Variants in KRABD3 observed in about 807,000 individuals in gnomAD.
KRABD3 encodes KRAB domain containing 3, also known as KRAB domain-containing protein 3.
chr7:149,733,849 G>A, the KRABD3 span: 2 of 1,600,500 alleles, frequency 1.2e-6, no homozygotes, highest in Non-Finnish European at 1.7e-6. Flanking sequence ...CCCCTTTAGT[G>A]CCTGCTGCCT....
chr7:149,719,528 C>A, the KRABD3 span: 1 of 1,550,950 alleles, frequency 6.4e-7, no homozygotes, highest in South Asian at 1.2e-5. The surrounding 1 kb of genome is among the most constrained non-coding windows in gnomAD (Gnocchi z 5.6). Flanking sequence ...CCAACCCCCC[C>A]GGAGACTGTG....
chr7:149,723,018 C>T, the KRABD3 span: 4 of 1,313,916 alleles, frequency 3.0e-6, no homozygotes, highest in South Asian at 4.5e-5. Context: ...ACAGCGATTC[C>T]TCCTGCTCCA....
chr7:149,725,959 C>A, the KRABD3 span: 1 of 1,603,356 alleles, frequency 6.2e-7, no homozygotes, highest in Admixed American at 1.7e-5. Flanking sequence ...AGGCCCCTGG[C>A]CCCCCGAGGA....
At chr7:149,731,647 C>A in the KRABD3 span, 1 of 1,572,188 alleles carries the variant, frequency 6.4e-7, no homozygotes, top group Non-Finnish European at 8.7e-7. Flanking sequence ...CTCCCTGCCC[C>A]AAGGTCTCTG....
chr7:149,730,074 G>A, the KRABD3 span: 7 of 1,428,854 alleles, frequency 4.9e-6, no homozygotes, highest in Non-Finnish European at 6.4e-6. Context: ...CCGGTTCTGT[G>A]TGCCCAGACA....
chr7:149,725,710 G>A, the KRABD3 span, among the ~76,000 whole-genome samples: 3 of 152,162 alleles, frequency 2.0e-5, no homozygotes, highest in African/African-American at 7.2e-5. Flanking sequence ...CTCCAGTCAC[G>A]AGACTCACTG....
chr7:149,716,018 A>G, the KRABD3 span, among the ~76,000 whole-genome samples: 9 of 152,178 alleles, frequency 5.9e-5, no homozygotes, highest in African/African-American at 1.2e-4. Flanking sequence ...ACGTAGCTTC[A>G]TGGAGAAGGT....
the KRABD3 span, chr7:149,730,174 A>T: frequency 6.4e-7 from 1 of 1,564,508 alleles, no homozygotes; most frequent in Non-Finnish European, 8.7e-7. Context: ...TCCCCGCTGC[A>T]CTGCCTGGAG....
At chr7:149,724,292 A>C in the KRABD3 span, among the ~76,000 whole-genome samples, 1 of 152,172 alleles carries the variant, frequency 6.6e-6, no homozygotes, top group Non-Finnish European at 1.5e-5. Flanking sequence ...CCCAGCCCAC[A>C]CAGGGGTTCG....
the KRABD3 span, chr7:149,719,734 G>C: frequency 6.5e-7 from 1 of 1,549,112 alleles, no homozygotes; most frequent in South Asian, 1.2e-5. This position sits in a 1 kb window ranked among gnomAD's most constrained non-coding sequence, Gnocchi z 5.6. Context: ...AGGGAGGCCG[G>C]AGTCCCTGGA....
chr7:149,727,681 G>A, the KRABD3 span, among the ~76,000 whole-genome samples: 3 of 152,228 alleles, frequency 2.0e-5, no homozygotes, highest in African/African-American at 7.2e-5. Context: ...CATGTGTTCT[G>A]CCTGGGCAGA....
the KRABD3 span, chr7:149,730,507 CG>C: frequency 6.2e-7 from 1 of 1,611,034 alleles, no homozygotes; most frequent in African/African-American, 1.3e-5. Context: ...GCAGCAGTGG[CG>C]GCAGCCCTGG....
At chr7:149,725,814 C>G in the KRABD3 span, 2 of 1,370,540 alleles carry the variant, frequency 1.5e-6, no homozygotes, top group Non-Finnish European at 1.9e-6. Flanking sequence ...TTCTGGTGCC[C>G]GTGCACCCCA....
chr7:149,718,611 C>T, the KRABD3 span, among the ~76,000 whole-genome samples: 2 of 147,670 alleles, frequency 1.4e-5, no homozygotes, highest in Admixed American at 7.0e-5. Flanking sequence ...CTCTGCCTTC[C>T]GAGGTCAAGC....
the KRABD3 span, chr7:149,733,691 C>G: frequency 6.3e-7 from 1 of 1,583,304 alleles, no homozygotes; most frequent in Non-Finnish European, 8.6e-7. Flanking sequence ...CCGGGCACGT[C>G]CGCTGCCTCC....
the KRABD3 span, chr7:149,725,511 G>T: frequency 6.3e-7 from 1 of 1,584,108 alleles, no homozygotes. Flanking sequence ...CATGGGCGCG[G>T]GGTGGCATGT....
the KRABD3 span, chr7:149,720,214 A>C: frequency 1.4e-6 from 2 of 1,436,784 alleles, no homozygotes; most frequent in East Asian, 5.1e-5. Context: ...TACTCAGTCC[A>C]GCCTCTCACC....
chr7:149,725,236 G>A, the KRABD3 span: 13 of 1,401,246 alleles, frequency 9.3e-6, no homozygotes, highest in South Asian at 8.5e-5. Flanking sequence ...AAAGCACGTC[G>A]GGTAGAGCCA....
chr7:149,724,823 A>G, the KRABD3 span: 7 of 1,592,818 alleles, frequency 4.4e-6, no homozygotes, highest in Non-Finnish European at 6.0e-6. Flanking sequence ...GGGGTCCCCC[A>G]ACCCAGCTGG....
Sources: gnomAD v4.1 joint callset for allele counts (sites outside exome capture counted in the v4.1 genomes callset) on GRCh38, gnomAD v4.1.1 for gene constraint, Gnocchi (gnomAD v3.1) non-coding constraint, MANE v1.5 for transcripts, NCBI Gene and HGNC (gene_info 2026-07-23, HGNC 2026-07-21) for gene names.